Variants in ELOVL6 observed in about 807,000 individuals in gnomAD.
ELOVL6 encodes ELOVL fatty acid elongase 6.
A neutral mutation model predicts 31.7 loss-of-function variants in ELOVL6; 8 were observed. That is an observed-to-expected ratio of 0.25 (90% confidence interval 0.15 to 0.45). The LOEUF (loss-of-function observed/expected upper bound fraction) is 0.45, where lower values mean the gene tolerates loss of function less well. Ranked by LOEUF, ELOVL6 falls within the 20% of genes least tolerant of loss-of-function variation. The probability of loss-of-function intolerance (pLI) is 1.00; values close to 1 mark genes in which losing one functional copy is unlikely to be tolerated. For synonymous variants in ELOVL6, 101 were observed against 117.7 expected (o/e 0.86, Z 0.92); for missense variants, 126 against 326.4 (o/e 0.39, Z 4.73).
chr4:110,127,094 G>A (rs373937377), intron 1 of ELOVL6, among the ~76,000 whole-genome samples: 1 of 151,996 alleles, frequency 6.6e-6, no homozygotes, highest in Non-Finnish European at 1.5e-5. Context: ...ATGTACCGTT[G>A]TTGCCACAAT....
At chr4:110,161,812 G>A (rs922587726) in intron 1 of ELOVL6, among the ~76,000 whole-genome samples, 5 of 152,298 alleles carry the variant, frequency 3.3e-5, no homozygotes, top group Middle Eastern at 3.4e-3. Context: ...CACAAAACTA[G>A]GTTATGTGTT....
At chr4:110,077,400 G>A (rs557502362) in intron 2 of ELOVL6, among the ~76,000 whole-genome samples, 2 of 152,186 alleles carry the variant, frequency 1.3e-5, no homozygotes, top group Non-Finnish European at 2.9e-5. Context: ...ACTTCCAGAG[G>A]AATGATCAGG....
chr4:110,058,286 TG>T (rs1419099606), intron 3 of ELOVL6, among the ~76,000 whole-genome samples: 2 of 151,304 alleles, frequency 1.3e-5, no homozygotes, highest in Admixed American at 6.6e-5. Flanking sequence ...GTGTGTCTGT[TG>T]GAGGGGGGGA....
At chr4:110,152,135 A>G (rs1758295042) in intron 1 of ELOVL6, among the ~76,000 whole-genome samples, 1 of 152,174 alleles carries the variant, frequency 6.6e-6, no homozygotes, top group East Asian at 1.9e-4. Flanking sequence ...TGGCCCTCCC[A>G]TATGCCCCCC....
chr4:110,061,479 C>T (rs754532867), intron 2 of ELOVL6, among the ~76,000 whole-genome samples: 2 of 147,590 alleles, frequency 1.4e-5, no homozygotes, highest in Admixed American at 7.0e-5. Context: ...TTAGTAGCAT[C>T]AAGTAATAGA....
At chr4:110,054,720 A>G (rs1440011740) in intron 3 of ELOVL6, among the ~76,000 whole-genome samples, 2 of 152,148 alleles carry the variant, frequency 1.3e-5, no homozygotes, top group Non-Finnish European at 2.9e-5. Context: ...TGTGGGATGG[A>G]AAGTGGAAGG....
rs972804551 is a variant in ELOVL6 at position 110,113,267 on chromosome 4, C to T, written c.90-7639G>A. Among the ~76,000 whole-genome samples, 4 of 150,238 alleles carry T rather than the reference C, an allele frequency of 2.7e-5. No homozygotes were observed. The South Asian group carries it at 8.5e-4, about 32-fold the overall frequency. On this transcript the variant is annotated intron_variant, in intron 1 of 3. Coordinates refer to ENST00000302274, the MANE Select transcript of ELOVL6 (RefSeq NM_024090.3). ...AAAGAGGAAAGCTTGCCATCACCCCCAAGTCAAAACCTGGCAGAAAACATA... is the reference window on the plus strand; with the variant it reads ...AAAGAGGAAAGCTTGCCATCACCCCTAAGTCAAAACCTGGCAGAAAACATA...
At chr4:110,148,109 C>CAAA (rs1157605540) in intron 1 of ELOVL6, among the ~76,000 whole-genome samples, 33 of 54,936 alleles carry the variant, frequency 6.0e-4, no homozygotes, top group Admixed American at 8.7e-4. Flanking sequence ...AACTCGGTCT[C>CAAA]AAAAAAAAAA....
In ELOVL6 at chr4:110,164,343, C is replaced by T. The variant is rs570355211; in HGVS notation, c.89+33904G>A. Among the ~76,000 whole-genome samples, 12 of 152,198 alleles carry T rather than the reference C, an allele frequency of 7.9e-5. No homozygotes were observed. The East Asian group carries it at 1.2e-3, about 15-fold the overall frequency. On this transcript the variant is annotated intron_variant, in intron 1 of 3. Transcript: ENST00000302274. ...AGGTGAGGGAAGATGAAGCCAAGGC[C>T]ACCCTAGGAAAGGAAAAAGTAAAAC...
chr4:110,123,615 C>T (rs1379297006), intron 1 of ELOVL6, among the ~76,000 whole-genome samples: 2 of 152,122 alleles, frequency 1.3e-5, no homozygotes, highest in Admixed American at 6.6e-5. Flanking sequence ...CAGTGTTAAA[C>T]AGGGTGGCAC....
At chr4:110,064,348 C>T (rs1359088844) in intron 2 of ELOVL6, among the ~76,000 whole-genome samples, 4 of 130,528 alleles carry the variant, frequency 3.1e-5, no homozygotes, top group Non-Finnish European at 4.6e-5. Context: ...TAGCTATTTG[C>T]CATGGGATGT....
intron 2 of ELOVL6, among the ~76,000 whole-genome samples, chr4:110,063,003 A>C (rs1010876194): frequency 5.3e-5 from 8 of 152,202 alleles, no homozygotes; most frequent in African/African-American, 1.9e-4. Flanking sequence ...AACAGTTTTC[A>C]TTATATTACT....
At chr4:110,126,347 T>G (rs1375832155) in intron 1 of ELOVL6, among the ~76,000 whole-genome samples, 1 of 151,898 alleles carries the variant, frequency 6.6e-6, no homozygotes, top group East Asian at 1.9e-4. Flanking sequence ...CACCCAACCC[T>G]CAAATCTTGG....
chr4:110,085,915 C>A (rs1203507392), intron 2 of ELOVL6, among the ~76,000 whole-genome samples: 3 of 152,076 alleles, frequency 2.0e-5, no homozygotes, highest in Non-Finnish European at 2.9e-5. Flanking sequence ...TGGGGTTTCG[C>A]CATGTTGCGA....
chr4:110,176,724 ACT>A (rs1229362950), intron 1 of ELOVL6, among the ~76,000 whole-genome samples: 1 of 151,856 alleles, frequency 6.6e-6, no homozygotes, highest in Non-Finnish European at 1.5e-5. Context: ...CAAGGCGATC[ACT>A]CTCTTTGTCA....
intron 1 of ELOVL6, among the ~76,000 whole-genome samples, chr4:110,184,044 T>C (rs914766791): frequency 1.6e-4 from 24 of 152,194 alleles, no homozygotes; most frequent in African/African-American, 4.3e-4. Flanking sequence ...TTGGAATAGA[T>C]AGTTTGAGTA....
chr4:110,147,707 T>C lies in ELOVL6; in HGVS notation c.90-42079A>G, dbSNP rs1415950210. On this transcript the variant is annotated intron_variant, in intron 1 of 3. Coordinates refer to ENST00000302274, the MANE Select transcript of ELOVL6 (RefSeq NM_024090.3). ...TTGAGAGGCTGAGGTACGAGGATCA[T>C]TTGAGCCTGGGAAGTTGAGGCTGCA... Among the ~76,000 whole-genome samples, 7 of 151,286 alleles carry C rather than the reference T, an allele frequency of 4.6e-5. 1 individual carries two copies. In the East Asian group the frequency reaches 1.4e-3, roughly 29 times the overall value.
At chr4:110,167,321 T>G (rs926812557) in intron 1 of ELOVL6, among the ~76,000 whole-genome samples, 3 of 150,798 alleles carry the variant, frequency 2.0e-5, no homozygotes, top group Admixed American at 2.0e-4. Context: ...CTTAACCTTA[T>G]ACTAACTGTA....
At chr4:110,066,979 C>T (rs981381421) in intron 2 of ELOVL6, among the ~76,000 whole-genome samples, 23 of 151,894 alleles carry the variant, frequency 1.5e-4, no homozygotes, top group African/African-American at 4.4e-4. Flanking sequence ...CATGTGTTCT[C>T]ATTGAGAACA....
Sources: allele counts gnomAD v4.1 joint callset (sites outside exome capture counted in the v4.1 genomes callset), GRCh38; gene constraint gnomAD v4.1.1; transcripts MANE v1.5; gene names NCBI Gene and HGNC (gene_info 2026-07-23, HGNC 2026-07-21).